Variants in ATP6V1G3 observed in about 807,000 individuals in gnomAD.
The protein encoded by ATP6V1G3 is ATPase H+ transporting V1 subunit G3.
A neutral mutation model predicts 9.3 loss-of-function variants in ATP6V1G3; 9 were observed. The observed-to-expected ratio is 0.97, with a 90% CI of 0.59 to 1.69. The LOEUF (loss-of-function observed/expected upper bound fraction) is 1.69, where lower values mean the gene tolerates loss of function less well. Ranked by LOEUF, ATP6V1G3 falls within the 40% of genes most tolerant of loss-of-function variation. ATP6V1G3 has a pLI of 0.00. For missense variants in ATP6V1G3, 133 were observed against 139.0 expected, an observed-to-expected ratio of 0.96 and a Z score of 0.22; for synonymous variants, 43 against 43.8, an observed-to-expected ratio of 0.98 and a Z score of 0.07.
intron 2 of ATP6V1G3, among the ~76,000 whole-genome samples, chr1:198,524,066 T>A (rs1374803167): frequency 6.6e-6 from 1 of 152,132 alleles, no homozygotes; most frequent in Non-Finnish European, 1.5e-5. Context: ...GAACTGTATC[T>A]TGCTTTTATC....
intron 1 of ATP6V1G3, among the ~76,000 whole-genome samples, chr1:198,534,918 T>A (rs1358001150): frequency 1.3e-5 from 2 of 152,180 alleles, no homozygotes; most frequent in African/African-American, 4.8e-5. Flanking sequence ...GGGAAAGAAA[T>A]GTCACCAGAA....
At chr1:198,531,942 T>C (rs1452763259) in intron 1 of ATP6V1G3, among the ~76,000 whole-genome samples, 1 of 151,872 alleles carries the variant, frequency 6.6e-6, no homozygotes, top group East Asian at 1.9e-4. Flanking sequence ...GTCCAATTCC[T>C]AGGGGCCTTT....
At chr1:198,526,468 AAGTT>A (rs1415099273) in intron 2 of ATP6V1G3, among the ~76,000 whole-genome samples, 3 of 152,126 alleles carry the variant, frequency 2.0e-5, no homozygotes, top group African/African-American at 7.2e-5. Flanking sequence ...GAGAATGTAT[AAGTT>A]AGTAGTTGAT....
chr1:198,529,115 T>TGCA lies in ATP6V1G3; in HGVS notation c.146_148dup (p.Met49_Gln50insLeu). 1 of 1,542,394 alleles carries TGCA rather than the reference T, an allele frequency of 6.5e-7. No homozygotes were observed. Among genetic ancestry groups the TGCA allele is most frequent in the Non-Finnish European group, 8.8e-7 (1 of 1,140,746 alleles). The stretch of plus-strand genomic sequence containing the variant: ...TTTTAGTCGAAACTCTTTATCTCTC[T>TGCA]GCATTCTGTACTGGTCAATTTCTAC... On this transcript the variant is annotated inframe_insertion, in exon 2 of 3. Coordinates refer to ENST00000367382, the MANE Select transcript of ATP6V1G3 (RefSeq NM_001376861.1).
rs201263127 is a variant in ATP6V1G3 at position 198,529,216 on chromosome 1, A to G, written c.83-35T>C. 3.2e-5 allele frequency: 13 copies of G among 409,598 alleles called. No homozygotes were observed. The East Asian group carries it at 7.7e-4, about 24-fold the overall frequency. The allele number at this position is 409,598 out of a possible 1,614,324, so 25.4% of individuals were successfully genotyped here. ...AACAAATATATATATATATATATAT[A>G]ATTATATATATCAATATATAAATAT... On this transcript the variant is annotated intron_variant, in intron 1 of 2. Transcript: ENST00000367382.
chr1:198,538,487 T>A (rs1192138672), intron 1 of ATP6V1G3, among the ~76,000 whole-genome samples: 1 of 152,208 alleles, frequency 6.6e-6, no homozygotes, highest in Non-Finnish European at 1.5e-5. Flanking sequence ...TACAATAATA[T>A]TGATTAATCT....
At chr1:198,532,259 G>T in intron 1 of ATP6V1G3, among the ~76,000 whole-genome samples, 1 of 152,118 alleles carries the variant, frequency 6.6e-6, no homozygotes, top group East Asian at 1.9e-4. Context: ...CAGCTTGGGG[G>T]AATATTAACA....
Position 198,524,719 on chromosome 1 carries a change from C to CA in ATP6V1G3, c.184-1156dup, listed in dbSNP as rs909865953. 2.1e-3 allele frequency among the ~76,000 whole-genome samples: 324 copies of CA among 151,788 alleles called. 3 individuals carry two copies. Among genetic ancestry groups the CA allele is most frequent in the African/African-American group, 6.1e-3 (252 of 41,414 alleles). On this transcript the variant is annotated intron_variant, in intron 2 of 2. Transcript: ENST00000367382. ...CTTTGAAAGTTAGCCTTTACTAAAGCAAAAAAAATCAACTCCTAACGTATC... is the reference window on the plus strand; with the variant it reads ...CTTTGAAAGTTAGCCTTTACTAAAGCAAAAAAAAATCAACTCCTAACGTATC...
intron 1 of ATP6V1G3, among the ~76,000 whole-genome samples, chr1:198,529,565 T>A (rs1288262304): frequency 6.6e-6 from 1 of 152,068 alleles, no homozygotes; most frequent in Non-Finnish European, 1.5e-5. Context: ...CATTATTTGG[T>A]CAGATTTTCA....
intron 2 of ATP6V1G3, among the ~76,000 whole-genome samples, chr1:198,528,032 G>A (rs1393791021): frequency 6.6e-6 from 1 of 152,118 alleles, no homozygotes; most frequent in Non-Finnish European, 1.5e-5. Context: ...AAGAGCAAAA[G>A]ACCAATATGG....
chr1:198,523,412 C>T lies in ATP6V1G3; in HGVS notation c.336G>A (p.Val112=). The change falls in exon 3 of 3, where the codon GTG becomes GTA. Residue 112 remains valine (V), a synonymous_variant. Transcript: ENST00000367382. ...MVCDMKPEIH[V]NYRATN is the part of the protein sequence containing the mutation. ...ACATTTAGTTGGTGGCTCTGTAGTT[C>T]ACATGGATTTCTGGTTTCATGTCAC... 2 of 1,612,886 alleles carry T rather than the reference C, an allele frequency of 1.2e-6. No individual in the cohort carries two copies. Among genetic ancestry groups the T allele is most frequent in the Non-Finnish European group, 1.7e-6 (2 of 1,179,434 alleles).
At chr1:198,529,366 A>AT (rs984952761) in intron 1 of ATP6V1G3, among the ~76,000 whole-genome samples, 185 bp from the exon 2 acceptor site, 9 of 151,332 alleles carry the variant, frequency 5.9e-5, no homozygotes, top group African/African-American at 1.5e-4. Flanking sequence ...ATTTTTGATG[A>AT]TTTTTTCTAG....
chr1:198,524,557 G>A (rs1307601389), intron 2 of ATP6V1G3, among the ~76,000 whole-genome samples: 1 of 152,050 alleles, frequency 6.6e-6, no homozygotes, highest in African/African-American at 2.4e-5. Flanking sequence ...CTTTCTAATT[G>A]CTCTTTAATT....
intron 1 of ATP6V1G3, among the ~76,000 whole-genome samples, chr1:198,533,812 C>A (rs764008559): frequency 2.0e-5 from 3 of 151,986 alleles, no homozygotes; most frequent in Non-Finnish European, 2.9e-5. Context: ...AGGAAGCCAA[C>A]CATGAGAGTA....
At chr1:198,533,301 A>T (rs967849380) in intron 1 of ATP6V1G3, among the ~76,000 whole-genome samples, 3 of 109,722 alleles carry the variant, frequency 2.7e-5, no homozygotes, top group Non-Finnish European at 5.1e-5. Context: ...GACTCTGTCT[A>T]AAAAAAAAAA....
At chr1:198,537,334 A>G (rs1660157839) in intron 1 of ATP6V1G3, among the ~76,000 whole-genome samples, 1 of 152,194 alleles carries the variant, frequency 6.6e-6, no homozygotes, top group Non-Finnish European at 1.5e-5. Flanking sequence ...AAAAATAACC[A>G]TATTAATCTT....
upstream of ATP6V1G3, chr1:198,540,900 G>A: frequency 5.5e-6 from 3 of 542,470 alleles, no homozygotes; most frequent in South Asian, 2.2e-5. Context: ...TAGCTCTTCT[G>A]TATGAGATAA....
At chr1:198,533,402 A>G (rs552060837) in intron 1 of ATP6V1G3, among the ~76,000 whole-genome samples, 6 of 152,262 alleles carry the variant, frequency 3.9e-5, no homozygotes, top group African/African-American at 1.4e-4. Flanking sequence ...ATTTGTTGCA[A>G]TTGTTCAGGC....
intron 1 of ATP6V1G3, among the ~76,000 whole-genome samples, chr1:198,538,313 C>A (rs1487472202): frequency 6.6e-6 from 1 of 152,130 alleles, no homozygotes; most frequent in Admixed American, 6.6e-5. Context: ...AGCATATTCA[C>A]TAGAGAAAAG....
Sources: allele counts gnomAD v4.1 joint callset (sites outside exome capture counted in the v4.1 genomes callset), GRCh38; gene constraint gnomAD v4.1.1; transcripts MANE v1.5; gene names NCBI Gene and HGNC (gene_info 2026-07-23, HGNC 2026-07-21).